Variants in TFAP2A observed in about 807,000 individuals in gnomAD.
TFAP2A encodes the protein transcription factor AP-2-alpha.
TFAP2A carries 7 observed loss-of-function variants against 41.5 expected under a neutral mutation model. The ratio of observed to expected loss-of-function variants is 0.17; its 90% CI spans 0.10 to 0.32. The LOEUF (loss-of-function observed/expected upper bound fraction) is 0.32. Ranked by LOEUF, TFAP2A falls within the 10% of genes least tolerant of loss-of-function variation. The pLI is 1.00. For synonymous variants in TFAP2A, 247 were observed against 242.8 expected (o/e 1.02, Z -0.16); for missense variants, 416 against 563.3 (o/e 0.74, Z 2.65).
intron 5 of TFAP2A, chr6:10,402,172 TAA>T: frequency 2.5e-6 from 1 of 402,164 alleles, no homozygotes; most frequent in Non-Finnish European, 4.8e-6. Context: ...CAGAATAACT[TAA>T]GTTATTTACT....
At chr6:10,406,662 T>C (rs1757730905) in intron 3 of TFAP2A, 131 bp downstream of exon 3, 2 of 790,070 alleles carry the variant, frequency 2.5e-6, no homozygotes, top group Admixed American at 1.8e-5. Flanking sequence ...TGCTGTTCTG[T>C]GCCTATCTAT....
At position 10,398,397 on chromosome 6, in the gene TFAP2A, G is replaced by C; in HGVS notation, c.*20C>G. 1 of 1,612,154 alleles carries C rather than the reference G, an allele frequency of 6.2e-7. No individual in the cohort carries two copies. The highest frequency in any genetic ancestry group is 8.5e-7 in the Non-Finnish European group (1 of 1,179,516). ...CGGGGGGCTGGTGAGGCGTGGGAGG[G>C]GCGGGGCGGGAGGAGAGCCTCACTT... On this transcript the variant is annotated 3_prime_UTR_variant, in exon 7 of 7. Transcript: ENST00000379613. This position sits in a 1 kb window ranked among gnomAD's most constrained non-coding sequence, Gnocchi z 5.3.
At chr6:10,405,387 G>T (rs1757663673) in intron 3 of TFAP2A, 1 of 152,158 alleles carries the variant, frequency 6.6e-6, no homozygotes, top group Admixed American at 6.5e-5. Context: ...TCTCAGTTTT[G>T]GAGATCCATT....
rs754007046 is a variant in TFAP2A at position 10,415,034 on chromosome 6, A to C, written c.-43T>G. The stretch of plus-strand genomic sequence containing the variant: ...TATGCCCCTCTCGGTCTCGCACCCA[A>C]GTGGAGCTACTCTCTGGGTGAGCGC... On this transcript the variant is annotated 5_prime_UTR_variant, in exon 1 of 7. Transcript: ENST00000379613. 3.7e-5 allele frequency: 59 copies of C among 1,613,712 alleles called. No individual in the cohort carries two copies. Among genetic ancestry groups the C allele is most frequent in the Admixed American group, 1.7e-4 (10 of 59,994 alleles).
At chr6:10,404,215 CGAG>C (rs1226546505) in intron 4 of TFAP2A, among the ~76,000 whole-genome samples, 1 of 152,186 alleles carries the variant, frequency 6.6e-6, no homozygotes, top group Admixed American at 6.5e-5. Flanking sequence ...TGCGCTTGCG[CGAG>C]GAGGAGGGCG....
chr6:10,414,173 T>G (rs145967853), intron 1 of TFAP2A, among the ~76,000 whole-genome samples: 6 of 152,222 alleles, frequency 3.9e-5, no homozygotes, highest in African/African-American at 1.4e-4. Context: ...TCTGGGCTGG[T>G]GCAGAAGCTG....
Position 10,400,595 on chromosome 6 carries a change from A to C in TFAP2A, c.890-6T>G. 1 of 1,614,158 alleles carries C rather than the reference A, an allele frequency of 6.2e-7. No homozygotes were observed. The highest frequency in any genetic ancestry group is 1.3e-5 in the African/African-American group (1 of 75,050). On this transcript the variant is annotated splice_polypyrimidine_tract_variant and splice_region_variant and intron_variant, in intron 5 of 6. Transcript: ENST00000379613. Reference sequence around the variant, plus strand: ...GGCTAGGTGGACAGCTTCTCCTGGCAAGAGGGGAGAGGAGGGAGCCAGTGC... The same window carrying C: ...GGCTAGGTGGACAGCTTCTCCTGGCCAGAGGGGAGAGGAGGGAGCCAGTGC...
rs748390203 is a variant in TFAP2A at position 10,411,646 on chromosome 6, C to T, written c.52-1311G>A. The T allele has an allele frequency of 2.0e-5, 32 of 1,612,470 alleles. No individual in the cohort carries two copies. The South Asian group carries it at 3.1e-4, about 15-fold the overall frequency. ...TCAGGGTGGAAAAAAACAAGCAAGC[C>T]TGGAGCGCCCGGCTGCCCCGCCGCC... On this transcript the variant is annotated intron_variant, in intron 1 of 6. Transcript: ENST00000379613.
At position 10,414,940 on chromosome 6, in the gene TFAP2A, C is replaced by A. The variant is rs754004604; in HGVS notation, c.51+1G>T. 6.2e-7 allele frequency: 1 copy of A among 1,613,876 alleles called. No homozygotes were observed. The highest frequency in any genetic ancestry group is 1.3e-5 in the African/African-American group (1 of 74,836). On this transcript the variant is annotated splice_donor_variant, in intron 1 of 6. Transcript: ENST00000379613. LOFTEE classifies it high-confidence loss of function. ...GATGATCGAGCCGGCGTCGCGCTTA[C>A]CTCGCAGTCCTCGTACTTGATATTA...
At chr6:10,404,844 G>C (rs1300349253) in intron 3 of TFAP2A, 105 bp from the exon 4 acceptor site, 2 of 1,006,844 alleles carry the variant, frequency 2.0e-6, no homozygotes, top group African/African-American at 1.6e-5. Context: ...CAGGCTTTGG[G>C]CCACAGTCCC....
At chr6:10,406,080 C>T (rs1254743687) in intron 3 of TFAP2A, 1 of 152,142 alleles carries the variant, frequency 6.6e-6, no homozygotes, top group Non-Finnish European at 1.5e-5. Context: ...GCCTAGAATC[C>T]TGAAATGTAA....
chr6:10,402,004 G>A, intron 5 of TFAP2A: 1 of 264,928 alleles, frequency 3.8e-6, no homozygotes, highest in South Asian at 4.2e-5. Flanking sequence ...CAAGAGAAAA[G>A]CACAATTAAA....
At position 10,399,922 on chromosome 6, in the gene TFAP2A, GTC is replaced by G. The variant is rs1310983141; in HGVS notation, c.1031+524_1031+525del. ...TCTCTCTCTCTCTCTCTCTCTCTCT[GTC>G]TGTGTGTGTGTGTGTGTGTGTCACT... is the stretch of plus-strand genomic sequence containing the variant. On this transcript the variant is annotated intron_variant, in intron 6 of 6. Coordinates refer to ENST00000379613, the MANE Select transcript of TFAP2A (RefSeq NM_001372066.1). Among the ~76,000 whole-genome samples, 397 of 113,208 alleles carry G rather than the reference GTC, an allele frequency of 3.5e-3. 2 individuals carry two copies. The highest frequency in any genetic ancestry group is 0.013 in the African/African-American group (365 of 28,402). The allele number at this position is 113,208 out of a possible 152,430, so 74.3% of individuals were successfully genotyped here. A position where few individuals can be genotyped will look rare whatever the true frequency, so the allele number is the denominator to read the frequency against.
chr6:10,419,323 G>C, upstream of TFAP2A: 1 of 1,466,912 alleles, frequency 6.8e-7, no homozygotes. Context: ...CCCCTGCCCT[G>C]GGCCACGGCG....
intron 1 of TFAP2A, chr6:10,411,448 T>C (rs780436929): frequency 1.4e-4 from 224 of 1,548,936 alleles, no homozygotes; most frequent in Non-Finnish European, 1.8e-4. Flanking sequence ...GGGATGCAAA[T>C]GGAGAGGGTG....
chr6:10,412,415 T>G (rs1397352031), intron 1 of TFAP2A: 9 of 219,276 alleles, frequency 4.1e-5, no homozygotes, highest in South Asian at 1.7e-4. Context: ...GAGCCCCGGG[T>G]GGGGAGAGGG....
In TFAP2A at chr6:10,398,378, G is replaced by C; in HGVS notation, c.*39C>G. ...CCGCCGGAGGGTGGGCGCGCGGGGG[G>C]CTGGTGAGGCGTGGGAGGGGCGGGG... On this transcript the variant is annotated 3_prime_UTR_variant, in exon 7 of 7. Coordinates refer to ENST00000379613, the MANE Select transcript of TFAP2A (RefSeq NM_001372066.1). The surrounding 1 kb of genome is among the most constrained non-coding windows in gnomAD (Gnocchi z 5.3). The C allele has an allele frequency of 6.2e-7, 1 of 1,605,514 alleles. No individual in the cohort carries two copies.
At chr6:10,410,974 C>G (rs1757935281) in intron 1 of TFAP2A, 1 of 156,288 alleles carries the variant, frequency 6.4e-6, no homozygotes, top group Admixed American at 6.1e-5. Flanking sequence ...AGGGGGACGT[C>G]AAGTCAAGGT....
At chr6:10,417,603 C>T (rs1581279333), upstream of TFAP2A, among the ~76,000 whole-genome samples, 1 of 152,170 alleles carries the variant, frequency 6.6e-6, no homozygotes, top group Non-Finnish European at 1.5e-5. Context: ...ATAAAAAGGG[C>T]GTCGCGGGGA....
Sources: allele counts gnomAD v4.1 joint callset (sites outside exome capture counted in the v4.1 genomes callset), GRCh38; gene constraint gnomAD v4.1.1; non-coding constraint Gnocchi (gnomAD v3.1); transcripts MANE v1.5; gene names NCBI Gene and HGNC (gene_info 2026-07-23, HGNC 2026-07-21).